GADL1: variants seen among roughly 807,000 people sequenced by gnomAD.
The protein encoded by GADL1 is GAD like acidic amino acid decarboxylase 1.
GADL1 carries 71 observed loss-of-function variants against 69.5 expected under a neutral mutation model. The observed-to-expected ratio is 1.02, with a 90% CI of 0.84 to 1.25. The LOEUF is 1.25. Among genes scored for constraint, GADL1 ranks in the 50% most tolerant of loss-of-function variants. GADL1 has a pLI of 0.00. For missense variants in GADL1, 737 were observed against 631.8 expected (o/e 1.17, Z -1.79); for synonymous variants, 254 against 214.4 (o/e 1.18, Z -1.62).
At chr3:30,883,584 T>A (rs1698669469) in intron 1 of GADL1, among the ~76,000 whole-genome samples, 1 of 152,052 alleles carries the variant, frequency 6.6e-6, no homozygotes, top group East Asian at 1.9e-4. Flanking sequence ...GTGTGAGTCC[T>A]CTAAATTTCT....
chr3:30,870,431 G>GT (rs1180858250), intron 1 of GADL1, among the ~76,000 whole-genome samples: 3 of 151,756 alleles, frequency 2.0e-5, no homozygotes, highest in Non-Finnish European at 4.4e-5. Context: ...TGGCCCAAGT[G>GT]TGAGGGCAAG....
intron 1 of GADL1, among the ~76,000 whole-genome samples, chr3:30,869,314 G>A (rs1291470722): frequency 6.6e-6 from 1 of 151,738 alleles, no homozygotes; most frequent in African/African-American, 2.4e-5. Context: ...TGGTTTTAAA[G>A]CTATTTTAGT....
intron 1 of GADL1, among the ~76,000 whole-genome samples, chr3:30,876,384 C>T (rs1162836047): frequency 6.6e-6 from 1 of 151,490 alleles, no homozygotes; most frequent in Non-Finnish European, 1.5e-5. Context: ...GAAGAAAAGG[C>T]TCTGATTGGT....
At chr3:30,787,098 A>C (rs1696809868) in intron 12 of GADL1, among the ~76,000 whole-genome samples, 1 of 152,136 alleles carries the variant, frequency 6.6e-6, no homozygotes, top group South Asian at 2.1e-4. Flanking sequence ...TGTGGGGCTT[A>C]ATACCTGGGT....
intron 6 of GADL1, among the ~76,000 whole-genome samples, 174 bp from the exon 7 acceptor site, chr3:30,844,640 T>TG (rs1469136275): frequency 1.3e-5 from 2 of 152,220 alleles, no homozygotes. Flanking sequence ...ACATTCACTT[T>TG]GGGGTCAGAG....
chr3:30,762,577 A>ATGCT (rs1696164204), intron 14 of GADL1, among the ~76,000 whole-genome samples: 2 of 152,320 alleles, frequency 1.3e-5, no homozygotes, highest in East Asian at 1.9e-4. Flanking sequence ...ATCATGAAAA[A>ATGCT]TGAGGTATAC....
intron 14 of GADL1, among the ~76,000 whole-genome samples, chr3:30,758,887 T>C (rs1272469223): frequency 6.6e-6 from 1 of 152,192 alleles, no homozygotes; most frequent in East Asian, 1.9e-4. Flanking sequence ...CAGTGGAATA[T>C]ATAGGGGATT....
chr3:30,753,043 C>A (rs1242420115), intron 14 of GADL1, among the ~76,000 whole-genome samples: 1 of 152,164 alleles, frequency 6.6e-6, no homozygotes, highest in Admixed American at 6.5e-5. Flanking sequence ...CGGGCATCTT[C>A]TTAAACCAGC....
At chr3:30,870,160 CA>C (rs1698460830) in intron 1 of GADL1, among the ~76,000 whole-genome samples, 1 of 151,650 alleles carries the variant, frequency 6.6e-6, no homozygotes, top group South Asian at 2.1e-4. Context: ...GCAGTTAAGA[CA>C]AACAGATAAA....
chr3:30,797,884 T>G (rs1697077932), intron 12 of GADL1: 2 of 152,174 alleles, frequency 1.3e-5, no homozygotes, highest in Non-Finnish European at 2.9e-5. Context: ...AAGTTAACCT[T>G]GAACAGTATA....
chr3:30,768,342 T>G (rs189741861), intron 14 of GADL1, among the ~76,000 whole-genome samples: 2 of 152,286 alleles, frequency 1.3e-5, no homozygotes, highest in African/African-American at 4.8e-5. Context: ...GAGAAGGGAC[T>G]ACTTGTTATA....
intron 13 of GADL1, among the ~76,000 whole-genome samples, chr3:30,780,595 C>T (rs1301953694): frequency 2.0e-5 from 3 of 152,056 alleles, no homozygotes; most frequent in African/African-American, 7.2e-5. Flanking sequence ...TTTGTTATTC[C>T]CTTTCATTTG....
intron 1 of GADL1, among the ~76,000 whole-genome samples, chr3:30,894,148 G>A (rs1026906650): frequency 6.6e-6 from 1 of 152,120 alleles, no homozygotes; most frequent in Non-Finnish European, 1.5e-5. Context: ...CTGAGATGAC[G>A]GTGGCCTCTT....
intron 8 of GADL1, among the ~76,000 whole-genome samples, chr3:30,843,867 G>T (rs1288508181): frequency 6.6e-6 from 1 of 152,186 alleles, no homozygotes; most frequent in Admixed American, 6.5e-5. Flanking sequence ...ATAAGGAGAG[G>T]AGAGGCTAGG....
intron 2 of GADL1, among the ~76,000 whole-genome samples, chr3:30,858,375 AGTT>A (rs1702096259): frequency 6.6e-6 from 1 of 152,050 alleles, no homozygotes; most frequent in Non-Finnish European, 1.5e-5. Context: ...CAATAGCTTT[AGTT>A]GTTATGTGGA....
chr3:30,796,617 T>TC (rs1273484988), intron 12 of GADL1, among the ~76,000 whole-genome samples: 1 of 152,114 alleles, frequency 6.6e-6, no homozygotes, highest in Non-Finnish European at 1.5e-5. Context: ...AGAATATAGA[T>TC]CTGACACTCT....
intron 3 of GADL1, among the ~76,000 whole-genome samples, chr3:30,856,691 T>G (rs993923966): frequency 2.6e-5 from 4 of 152,100 alleles, no homozygotes; most frequent in Admixed American, 2.6e-4. Context: ...AAATACTATT[T>G]GCCAGTTTGG....
At chr3:30,859,053 G>C (rs531679247) in intron 2 of GADL1, among the ~76,000 whole-genome samples, 5 of 152,016 alleles carry the variant, frequency 3.3e-5, no homozygotes, top group Non-Finnish European at 7.4e-5. Flanking sequence ...CAACAAGGAG[G>C]TGTTCTTGGC....
chr3:30,735,142 CT>C (rs1427027769), intron 14 of GADL1, among the ~76,000 whole-genome samples: 2 of 152,116 alleles, frequency 1.3e-5, no homozygotes, highest in African/African-American at 4.8e-5. Flanking sequence ...TTGAAAGCTA[CT>C]TGATCCATGC....
Sources: allele counts gnomAD v4.1 joint callset (sites outside exome capture counted in the v4.1 genomes callset), GRCh38; gene constraint gnomAD v4.1.1; transcripts MANE v1.5; gene names NCBI Gene and HGNC (gene_info 2026-07-23, HGNC 2026-07-21).